Variants in RIMS2 observed in about 807,000 individuals in gnomAD.
RIMS2 encodes regulating synaptic membrane exocytosis 2.
RIMS2 carries 59 observed loss-of-function variants against 174.4 expected under a neutral mutation model. The ratio of observed to expected loss-of-function variants is 0.34; its 90% CI spans 0.27 to 0.42. The LOEUF (loss-of-function observed/expected upper bound fraction) is 0.42, where lower values mean the gene tolerates loss of function less well. Among genes scored for constraint, RIMS2 ranks in the 10% least tolerant of loss-of-function variants. The probability of loss-of-function intolerance (pLI) is 1.00; values close to 1 mark genes in which losing one functional copy is unlikely to be tolerated. For synonymous variants in RIMS2, 606 were observed against 572.5 expected, an observed-to-expected ratio of 1.06 and a Z score of -0.84; for missense variants, 1,620 against 1,666.3, an observed-to-expected ratio of 0.97 and a Z score of 0.48.
At chr8:103,740,797 G>A (rs1455781091) in intron 2 of RIMS2, among the ~76,000 whole-genome samples, 1 of 152,046 alleles carries the variant, frequency 6.6e-6, no homozygotes, top group Non-Finnish European at 1.5e-5. Flanking sequence ...TAGCATAGCA[G>A]TTTGATAACT....
chr8:103,897,818 A>G lies in RIMS2; in HGVS notation c.1624+11595A>G, dbSNP rs1438497595. ...ATTGTATATGGCTTCTTTTCCCACC[A>G]TAGATGCTTTTAATACCATATAGTT... On this transcript the variant is annotated intron_variant, in intron 4 of 23. Transcript: ENST00000504942. Among the ~76,000 whole-genome samples the G allele has an allele frequency of 3.3e-5, 5 of 151,774 alleles. No individual in the cohort carries two copies. The South Asian group carries it at 6.2e-4, about 19-fold the overall frequency.
exon 15 of RIMS2, chr8:103,961,067 T>G (rs754889931): frequency 6.9e-7 from 1 of 1,452,096 alleles, no homozygotes; most frequent in Non-Finnish European, 9.7e-7. Context: ...CTTTATAGGG[T>G]CAAAGAGAAT....
intron 17 of RIMS2, chr8:103,998,294 GCCTGTGT>G: frequency 1.5e-6 from 2 of 1,309,208 alleles, no homozygotes; most frequent in Non-Finnish European, 2.2e-6. Context: ...AATTGCTTGT[GCCTGTGT>G]ATTGATATGA....
At chr8:103,911,197 T>A (rs2075610050) in intron 5 of RIMS2, among the ~76,000 whole-genome samples, 2 of 152,186 alleles carry the variant, frequency 1.3e-5, no homozygotes. Flanking sequence ...TGCCTGTTAC[T>A]TTTTGATAAC....
intron 19 of RIMS2, among the ~76,000 whole-genome samples, chr8:104,020,504 G>A (rs2096060973): frequency 6.6e-6 from 1 of 151,880 alleles, no homozygotes; most frequent in Admixed American, 6.6e-5. Flanking sequence ...TATGAAATTA[G>A]TCTTCAAAAT....
intron 19 of RIMS2, among the ~76,000 whole-genome samples, chr8:104,030,684 TC>T (rs1197060622): frequency 6.6e-6 from 1 of 152,182 alleles, no homozygotes; most frequent in African/African-American, 2.4e-5. Flanking sequence ...GAATACCTTC[TC>T]TTTAAATAAC....
intron 15 of RIMS2, 102 bp from the exon 18 acceptor site, chr8:103,975,248 G>T: frequency 3.1e-6 from 2 of 642,752 alleles, no homozygotes; most frequent in South Asian, 2.4e-5. Flanking sequence ...TATATTAGAA[G>T]TCTTTAAATT....
chr8:104,065,960 T>C lies in RIMS2; in HGVS notation c.3334+51345T>C, dbSNP rs12548756. ...CCAGTGGTCTGTTAAGTAAAAGTTATATTGCATAAATCTGATTCTACCTAA... is the reference window on the plus strand; with the variant it reads ...CCAGTGGTCTGTTAAGTAAAAGTTACATTGCATAAATCTGATTCTACCTAA... On this transcript the variant is annotated intron_variant, in intron 19 of 23. Transcript: ENST00000504942. 7.1e-3 allele frequency among the ~76,000 whole-genome samples: 1,087 copies of C among 152,332 alleles called. 16 individuals carry two copies. Among genetic ancestry groups the C allele is most frequent in the African/African-American group, 0.025 (1,023 of 41,566 alleles).
chr8:104,227,267 A>C (rs1271011337), intron 19 of RIMS2, among the ~76,000 whole-genome samples: 1 of 141,220 alleles, frequency 7.1e-6, no homozygotes. Context: ...GATGCTCTCC[A>C]AATCTCTGAG....
At chr8:104,007,892 A>G (rs1055000454) in intron 17 of RIMS2, among the ~76,000 whole-genome samples, 9 of 152,304 alleles carry the variant, frequency 5.9e-5, no homozygotes, top group African/African-American at 1.9e-4. Context: ...TGGACTTATT[A>G]TGAAGTGACT....
intron 3 of RIMS2, among the ~76,000 whole-genome samples, chr8:103,825,416 A>G (rs955352264): frequency 6.7e-6 from 1 of 150,008 alleles, no homozygotes; most frequent in African/African-American, 2.4e-5. Context: ...AGAAGCTAGG[A>G]CCACAGGCAT....
intron 19 of RIMS2, among the ~76,000 whole-genome samples, chr8:104,202,808 A>T (rs1031251049): frequency 1.3e-5 from 2 of 152,238 alleles, no homozygotes; most frequent in African/African-American, 4.8e-5. Context: ...GGACTTCAAC[A>T]TATGAATTTT....
At chr8:103,855,979 G>A (rs2099025469) in intron 3 of RIMS2, among the ~76,000 whole-genome samples, 1 of 152,094 alleles carries the variant, frequency 6.6e-6, no homozygotes, top group African/African-American at 2.4e-5. Flanking sequence ...CTATTATTGT[G>A]TGGTTGTCTA....
At chr8:103,578,106 A>G (rs1009817058) in intron 1 of RIMS2, among the ~76,000 whole-genome samples, 12 of 152,240 alleles carry the variant, frequency 7.9e-5, no homozygotes, top group African/African-American at 2.9e-4. Context: ...AGAAATAAAT[A>G]TCCAGGTGCA....
intron 19 of RIMS2, 28 bp from the exon 26 acceptor site, chr8:104,244,888 G>A (rs553254299): frequency 1.9e-6 from 3 of 1,598,216 alleles, no homozygotes; most frequent in African/African-American, 2.7e-5. Context: ...TTACAAAGCT[G>A]TTACACTTTT....
chr8:103,779,664 A>G (rs1229094742), intron 3 of RIMS2, among the ~76,000 whole-genome samples: 1 of 149,576 alleles, frequency 6.7e-6, no homozygotes, highest in African/African-American at 2.5e-5. Context: ...CAGAAAACCA[A>G]ACACCGCATG....
Position 103,555,548 on chromosome 8 carries a change from A to G in RIMS2, c.176+54486A>G, listed in dbSNP as rs561539629. Among the ~76,000 whole-genome samples the G allele has an allele frequency of 5.3e-5, 8 of 152,266 alleles. No individual in the cohort carries two copies. The South Asian group carries it at 1.7e-3, about 32-fold the overall frequency. On this transcript the variant is annotated intron_variant, in intron 1 of 23. Coordinates refer to ENST00000504942, the Ensembl canonical transcript of RIMS2. ...CAAACTATATGATTTCAGTGTGTCA[A>G]AGAGATATCTGTACTCCCATGTTCA...
intron 19 of RIMS2, among the ~76,000 whole-genome samples, chr8:104,030,099 A>G (rs2096356654): frequency 2.0e-5 from 3 of 152,134 alleles, no homozygotes; most frequent in South Asian, 2.1e-4. Flanking sequence ...TTAGCTTGAT[A>G]TTATAAAATA....
At chr8:103,547,916 A>G (rs1845860475) in intron 1 of RIMS2, among the ~76,000 whole-genome samples, 1 of 152,204 alleles carries the variant, frequency 6.6e-6, no homozygotes, top group African/African-American at 2.4e-5. Flanking sequence ...CTTAGAAGAA[A>G]TGGCTAGATT....
Sources: allele counts gnomAD v4.1 joint callset (sites outside exome capture counted in the v4.1 genomes callset), GRCh38; gene constraint gnomAD v4.1.1; transcripts MANE v1.5; gene names NCBI Gene and HGNC (gene_info 2026-07-23, HGNC 2026-07-21).